YWHAH: variants seen among roughly 807,000 people sequenced by gnomAD.
The protein encoded by YWHAH is 14-3-3 protein eta.
A neutral mutation model predicts 22.9 loss-of-function variants in YWHAH; 6 were observed. The observed-to-expected ratio is 0.26, with a 90% CI of 0.14 to 0.52. The LOEUF (loss-of-function observed/expected upper bound fraction) is 0.52. YWHAH is among the 20% of genes least tolerant of loss of function. The pLI is 0.97. For missense variants in YWHAH, 173 were observed against 308.6 expected, an observed-to-expected ratio of 0.56 and a Z score of 3.29; for synonymous variants, 135 against 124.5, an observed-to-expected ratio of 1.08 and a Z score of -0.56.
chr22:31,949,742 G>A (rs1162092963), intron 1 of YWHAH, among the ~76,000 whole-genome samples: 2 of 152,148 alleles, frequency 1.3e-5, no homozygotes, highest in Non-Finnish European at 2.9e-5. Flanking sequence ...TTTTCTCATG[G>A]TCAAACAGCT....
chr22:31,951,186 A>G (rs2093842737), intron 1 of YWHAH, among the ~76,000 whole-genome samples: 1 of 152,106 alleles, frequency 6.6e-6, no homozygotes, highest in South Asian at 2.1e-4. Context: ...GAGCCATCAC[A>G]CCTGGCCCCT....
chr22:31,956,015 C>A lies in YWHAH; in HGVS notation c.88-124C>A. 1 of 1,151,364 alleles carries A rather than the reference C, an allele frequency of 8.7e-7. No individual in the cohort carries two copies. Among genetic ancestry groups the A allele is most frequent in the Non-Finnish European group, 1.2e-6 (1 of 819,608 alleles). The allele number at this position is 1,151,364 out of a possible 1,614,324, so 71.3% of individuals were successfully genotyped here. ...TTTATCCATGGGTGGTTTTTATTCTCCAGAGTGACTGACCTGTTCGTAATT... is the reference window on the plus strand; with the variant it reads ...TTTATCCATGGGTGGTTTTTATTCTACAGAGTGACTGACCTGTTCGTAATT... On this transcript the variant is annotated intron_variant, in intron 1 of 1. Coordinates refer to ENST00000248975, the MANE Select transcript of YWHAH (RefSeq NM_003405.4). This position sits in a 1 kb window ranked among gnomAD's most constrained non-coding sequence, Gnocchi z 5.1.
At position 31,951,401 on chromosome 22, in the gene YWHAH, G is replaced by A. The variant is rs1175784297; in HGVS notation, c.88-4738G>A. Among the ~76,000 whole-genome samples the A allele has an allele frequency of 2.0e-5, 3 of 152,228 alleles. No homozygotes were observed. In the East Asian group the frequency reaches 5.8e-4, roughly 29 times the overall value. On this transcript the variant is annotated intron_variant, in intron 1 of 1. Transcript: ENST00000248975. ...GAGCCCATAGCATGTGTGGAGCTGT[G>A]AAGGATGGCAGCATATTCGAGTGAG...
chr22:31,948,771 G>A (rs146462370), intron 1 of YWHAH, among the ~76,000 whole-genome samples: 5 of 152,284 alleles, frequency 3.3e-5, no homozygotes, highest in East Asian at 3.9e-4. Flanking sequence ...AAATGTAATC[G>A]TCTTTGAGGA....
At chr22:31,945,812 T>C (rs2093833562) in intron 1 of YWHAH, 2 of 658,412 alleles carry the variant, frequency 3.0e-6, no homozygotes, top group South Asian at 5.8e-5. Flanking sequence ...ACCTATACAT[T>C]CAGAAATTCG....
chr22:31,946,276 T>C (rs887572101), intron 1 of YWHAH, among the ~76,000 whole-genome samples: 4 of 152,226 alleles, frequency 2.6e-5, no homozygotes, highest in Non-Finnish European at 5.9e-5. Flanking sequence ...CTGAACTTTA[T>C]GTAATTCAGG....
intron 1 of YWHAH, among the ~76,000 whole-genome samples, chr22:31,952,186 T>G (rs1297459902): frequency 1.3e-5 from 2 of 152,224 alleles, no homozygotes; most frequent in Admixed American, 1.3e-4. Context: ...CAAATGTGAT[T>G]TCATTAGATT....
chr22:31,956,654 C>T lies in YWHAH; in HGVS notation c.603C>T (p.Phe201=), dbSNP rs746778385. ...EQACLLAKQA[F]DDAIAELDTL... ...CCTGCCTCTTAGCCAAACAAGCCTT[C>T]GATGATGCCATAGCTGAGCTGGACA... The change falls in exon 2 of 2, where the codon TTC becomes TTT. Residue 201 remains phenylalanine (F), a synonymous_variant. Coordinates refer to ENST00000248975, the MANE Select transcript of YWHAH (RefSeq NM_003405.4). This position sits in a 1 kb window ranked among gnomAD's most constrained non-coding sequence, Gnocchi z 5.1. The T allele has an allele frequency of 2.9e-5, 46 of 1,613,960 alleles. No homozygotes were observed. The highest frequency in any genetic ancestry group is 1.4e-4 in the South Asian group (13 of 91,084).
chr22:31,945,715 A>G, intron 1 of YWHAH: 1 of 1,230,086 alleles, frequency 8.1e-7, no homozygotes, highest in Non-Finnish European at 1.0e-6. Context: ...TCAAGGTCAC[A>G]CAGTGGTAGA....
intron 1 of YWHAH, among the ~76,000 whole-genome samples, chr22:31,954,406 G>C (rs1490526647): frequency 6.6e-6 from 1 of 152,022 alleles, no homozygotes; most frequent in Non-Finnish European, 1.5e-5. Context: ...GAAATGTCCT[G>C]GGTCAATTTA....
intron 1 of YWHAH, chr22:31,950,197 A>C: frequency 2.0e-6 from 1 of 499,784 alleles, no homozygotes; most frequent in South Asian, 2.2e-5. Flanking sequence ...TATTTTAAGA[A>C]ATTATTTCAT....
chr22:31,953,821 A>T (rs1206820226), intron 1 of YWHAH, among the ~76,000 whole-genome samples: 2 of 136,358 alleles, frequency 1.5e-5, no homozygotes, highest in East Asian at 3.9e-4. Context: ...AGAAGTGGGT[A>T]GGCAAAGGAG....
intron 1 of YWHAH, among the ~76,000 whole-genome samples, chr22:31,953,930 G>A (rs1047583003): frequency 1.3e-5 from 2 of 152,180 alleles, no homozygotes; most frequent in Admixed American, 1.3e-4. Context: ...TATTTTGTCT[G>A]GGGCTTGGGG....
At chr22:31,945,025 C>G in intron 1 of YWHAH, 2 of 1,114,454 alleles carry the variant, frequency 1.8e-6, no homozygotes, top group Non-Finnish European at 2.2e-6. Context: ...GGTGGGGGAT[C>G]CGGGAGGGTG....
chr22:31,945,160 T>G, intron 1 of YWHAH: 2 of 1,128,266 alleles, frequency 1.8e-6, no homozygotes, highest in South Asian at 2.2e-5. Context: ...GCATTTCTCC[T>G]AGAGCGTTTC....
At chr22:31,955,439 C>CTTTTTTTTTTTTTTTTTTT (rs60830862) in intron 1 of YWHAH, among the ~76,000 whole-genome samples, 5 of 126,730 alleles carry the variant, frequency 3.9e-5, no homozygotes, top group Non-Finnish European at 5.0e-5. Flanking sequence ...TTCAGAGTAT[C>CTTTTTTTTTTTTTTTTTTT]TTTTTTTTTT....
At chr22:31,948,169 A>C (rs892770590) in intron 1 of YWHAH, among the ~76,000 whole-genome samples, 2 of 152,224 alleles carry the variant, frequency 1.3e-5, no homozygotes, top group African/African-American at 4.8e-5. Context: ...GCTCCCTAGA[A>C]ATCTTAAGTG....
intron 1 of YWHAH, among the ~76,000 whole-genome samples, chr22:31,950,076 CTTTTTTTTTTTTTTTTTTTTTTT>C (rs557406783): frequency 2.8e-4 from 12 of 42,154 alleles, no homozygotes; most frequent in Non-Finnish European, 4.9e-4. Flanking sequence ...GCTTGGAGGC[CTTTTTTTTTTTTTTTTTTTTTTT>C]TTTTTTTTTT....
intron 1 of YWHAH, among the ~76,000 whole-genome samples, chr22:31,948,283 G>A (rs1226754295): frequency 6.6e-6 from 1 of 152,202 alleles, no homozygotes; most frequent in Non-Finnish European, 1.5e-5. Context: ...GAGATTCTGG[G>A]AAGTGGGGAA....
Sources: gnomAD v4.1 joint callset for allele counts (sites outside exome capture counted in the v4.1 genomes callset) on GRCh38, gnomAD v4.1.1 for gene constraint, Gnocchi (gnomAD v3.1) non-coding constraint, MANE v1.5 for transcripts, NCBI Gene and HGNC (gene_info 2026-07-23, HGNC 2026-07-21) for gene names.